TAFA2: variants seen among roughly 807,000 people sequenced by gnomAD.
The protein encoded by TAFA2 is TAFA chemokine like family member 2.
Under a neutral mutation model 18.8 loss-of-function variants are expected in TAFA2, and 7 were observed. That is an observed-to-expected ratio of 0.37 (90% CI 0.21 to 0.70). The LOEUF is 0.70. Among genes scored for constraint, TAFA2 ranks in the 30% least tolerant of loss-of-function variants. The probability of loss-of-function intolerance (pLI) is 0.53; values close to 1 mark genes in which losing one functional copy is unlikely to be tolerated. For missense variants in TAFA2, 122 were observed against 158.1 expected, an observed-to-expected ratio of 0.77 and a Z score of 1.23; for synonymous variants, 60 against 54.2, an observed-to-expected ratio of 1.11 and a Z score of -0.47.
chr12:61,950,133 A>G (rs1878415619), intron 1 of TAFA2, among the ~76,000 whole-genome samples: 1 of 152,104 alleles, frequency 6.6e-6, no homozygotes, highest in South Asian at 2.1e-4. Context: ...ATTTCATTGC[A>G]TATATATATC....
intron 1 of TAFA2, among the ~76,000 whole-genome samples, chr12:62,067,646 G>A (rs1882525189): frequency 6.6e-6 from 1 of 151,874 alleles, no homozygotes; most frequent in African/African-American, 2.4e-5. Flanking sequence ...TTTATCTCTG[G>A]GTTATCTTTT....
At chr12:61,731,241 C>A (rs1336533936) in intron 4 of TAFA2, among the ~76,000 whole-genome samples, 3 of 152,110 alleles carry the variant, frequency 2.0e-5, no homozygotes, top group Non-Finnish European at 2.9e-5. Context: ...CTTTACCCCT[C>A]CAAACTTGGG....
intron 1 of TAFA2, among the ~76,000 whole-genome samples, chr12:62,060,344 A>C: frequency 6.6e-6 from 1 of 152,032 alleles, no homozygotes; most frequent in African/African-American, 2.4e-5. Context: ...GGAGCTGAAA[A>C]TTTTTTCACC....
chr12:61,767,105 G>A (rs940101534), intron 2 of TAFA2, among the ~76,000 whole-genome samples: 1 of 152,070 alleles, frequency 6.6e-6, no homozygotes, highest in African/African-American at 2.4e-5. Flanking sequence ...TCAGCTAAAA[G>A]CATGTTTATA....
intron 1 of TAFA2, among the ~76,000 whole-genome samples, chr12:62,188,426 C>A (rs2062600076): frequency 6.6e-6 from 1 of 152,154 alleles, no homozygotes; most frequent in Admixed American, 6.5e-5. Context: ...TTAGAAATAA[C>A]TGATGACACT....
At chr12:61,849,243 G>C (rs1873539138) in intron 2 of TAFA2, among the ~76,000 whole-genome samples, 1 of 152,136 alleles carries the variant, frequency 6.6e-6, no homozygotes, top group South Asian at 2.1e-4. Flanking sequence ...CTATTTTACA[G>C]ATAAACTAAA....
At chr12:61,795,382 A>G (rs976188169) in intron 2 of TAFA2, among the ~76,000 whole-genome samples, 1 of 152,200 alleles carries the variant, frequency 6.6e-6, no homozygotes, top group African/African-American at 2.4e-5. Flanking sequence ...TATATACACC[A>G]TGGAATACTA....
intron 1 of TAFA2, among the ~76,000 whole-genome samples, chr12:62,169,830 G>A (rs1222372000): frequency 6.9e-5 from 9 of 129,754 alleles, no homozygotes; most frequent in Non-Finnish European, 1.1e-4. Flanking sequence ...CAGACTGGGC[G>A]ACAGGGCGAG....
At chr12:62,190,305 G>A (rs2062614441) in intron 1 of TAFA2, among the ~76,000 whole-genome samples, 2 of 152,118 alleles carry the variant, frequency 1.3e-5, no homozygotes, top group South Asian at 2.1e-4. Context: ...GAAATAGGGC[G>A]ACGGATCTCA....
intron 1 of TAFA2, among the ~76,000 whole-genome samples, chr12:62,066,885 T>A (rs1882503811): frequency 6.6e-6 from 1 of 152,068 alleles, no homozygotes. Context: ...TTAAGGAACC[T>A]CCAACCTGCT....
At chr12:61,749,415 AC>A (rs1868901607) in intron 4 of TAFA2, among the ~76,000 whole-genome samples, 1 of 152,134 alleles carries the variant, frequency 6.6e-6, no homozygotes, top group South Asian at 2.1e-4. Context: ...ATAAGATAAT[AC>A]CTGCAATGTA....
intron 2 of TAFA2, among the ~76,000 whole-genome samples, chr12:61,823,622 TAA>T (rs1872412173): frequency 6.6e-6 from 1 of 152,192 alleles, no homozygotes; most frequent in African/African-American, 2.4e-5. Flanking sequence ...TGCATTGGTG[TAA>T]CTCCTTGTTA....
At chr12:61,952,709 T>G (rs1399842983) in intron 1 of TAFA2, among the ~76,000 whole-genome samples, 2 of 152,096 alleles carry the variant, frequency 1.3e-5, no homozygotes, top group Admixed American at 6.6e-5. Flanking sequence ...TCTTTAGGAT[T>G]CTATCACCTT....
chr12:61,759,727 C>A (rs1869446154), intron 2 of TAFA2, among the ~76,000 whole-genome samples: 1 of 151,928 alleles, frequency 6.6e-6, no homozygotes, highest in Non-Finnish European at 1.5e-5. Context: ...AGCATGATAT[C>A]CCAAAGCCCA....
At chr12:61,752,659 C>T (rs1435731976) in intron 4 of TAFA2, among the ~76,000 whole-genome samples, 1 of 151,870 alleles carries the variant, frequency 6.6e-6, no homozygotes, top group Non-Finnish European at 1.5e-5. Flanking sequence ...TATGTCTGAT[C>T]AGTCAATGTA....
At chr12:62,027,751 A>G (rs1275614200) in intron 1 of TAFA2, among the ~76,000 whole-genome samples, 1 of 152,158 alleles carries the variant, frequency 6.6e-6, no homozygotes, top group Non-Finnish European at 1.5e-5. Flanking sequence ...ATGAGAAACT[A>G]AAGTACACAA....
chr12:62,010,573 G>A (rs952307126), intron 1 of TAFA2, among the ~76,000 whole-genome samples: 8 of 146,782 alleles, frequency 5.5e-5, no homozygotes, highest in Non-Finnish European at 8.8e-5. Flanking sequence ...CTGCCCAGCC[G>A]CCACCCCGTC....
At chr12:61,876,301 G>C (rs892535190) in intron 1 of TAFA2, among the ~76,000 whole-genome samples, 12 of 152,118 alleles carry the variant, frequency 7.9e-5, no homozygotes, top group African/African-American at 2.7e-4. Flanking sequence ...TCTTTCTCCT[G>C]CATGCTGGCA....
intron 1 of TAFA2, among the ~76,000 whole-genome samples, chr12:62,176,319 C>G (rs1413302795): frequency 6.6e-6 from 1 of 152,114 alleles, no homozygotes; most frequent in East Asian, 1.9e-4. Flanking sequence ...ATCACTCACC[C>G]AGCATTTAGC....
Sources: allele counts gnomAD v4.1 joint callset (sites outside exome capture counted in the v4.1 genomes callset), GRCh38; gene constraint gnomAD v4.1.1; transcripts MANE v1.5; gene names NCBI Gene and HGNC (gene_info 2026-07-23, HGNC 2026-07-21).